ABCG4: variants seen among roughly 807,000 people sequenced by gnomAD.
The protein encoded by ABCG4 is ATP-binding cassette sub-family G member 4.
ABCG4 carries 35 observed loss-of-function variants against 64.6 expected under a neutral mutation model. The observed-to-expected ratio is 0.54, with a 90% confidence interval of 0.41 to 0.72. The LOEUF (loss-of-function observed/expected upper bound fraction) is 0.72, where lower values mean the gene tolerates loss of function less well. ABCG4 is among the 30% of genes least tolerant of loss of function. ABCG4 has a pLI of 0.00. For missense variants in ABCG4, 610 were observed against 846.3 expected (o/e 0.72, Z 3.46); for synonymous variants, 326 against 348.2 (o/e 0.94, Z 0.71).
chr11:119,158,408 T>C lies in ABCG4; in HGVS notation c.1167+76T>C, dbSNP rs866064778. 3.8e-6 allele frequency: 6 copies of C among 1,573,520 alleles called. No homozygotes were observed. In the African/African-American group the frequency reaches 6.8e-5, roughly 18 times the overall value. ...GGCTGTAGGATCCCAGCAGCTGAAA[T>C]GGGAATGGGGACCCTCCCTCACAGC... On this transcript the variant is annotated intron_variant, in intron 10 of 14. Coordinates refer to ENST00000619701, the MANE Select transcript of ABCG4 (RefSeq NM_022169.5). The surrounding 1 kb of genome is among the most constrained non-coding windows in gnomAD (Gnocchi z 4.5).
rs140678022 is a variant in ABCG4, at chr11:119,151,657, G to A, written c.238+1454G>A. On this transcript the variant is annotated intron_variant, in intron 2 of 14. Coordinates refer to ENST00000619701, the MANE Select transcript of ABCG4 (RefSeq NM_022169.5). ...TTTTTAATAATCTCACTTAACATTCGTAATAACCCTGTAAGTCCTTGGGAT... is the reference window on the plus strand; with the variant it reads ...TTTTTAATAATCTCACTTAACATTCATAATAACCCTGTAAGTCCTTGGGAT... Among the ~76,000 whole-genome samples the A allele has an allele frequency of 3.7e-3, 564 of 152,194 alleles. 3 individuals carry two copies. The highest frequency in any genetic ancestry group is 6.8e-3 in the Middle Eastern group (2 of 294).
Position 119,150,421 on chromosome 11 carries a change from T to C in ABCG4, c.238+218T>C, listed in dbSNP as rs182633726. Among the ~76,000 whole-genome samples, 326 of 152,230 alleles carry C rather than the reference T, an allele frequency of 2.1e-3. 4 individuals carry two copies. The highest frequency in any genetic ancestry group is 7.4e-3 in the African/African-American group (308 of 41,532). The stretch of plus-strand genomic sequence containing the variant: ...GAGCACCATGGGATACTAGGTGCAA[T>C]TGGTTATTGAAGCTGTATCTTCTAA... On this transcript the variant is annotated intron_variant, in intron 2 of 14. Transcript: ENST00000619701. This position sits in a 1 kb window ranked among gnomAD's most constrained non-coding sequence, Gnocchi z 4.3.
At chr11:119,153,986 A>T (rs773085778) in intron 2 of ABCG4, 40 bp from the exon 3 acceptor site, 1 of 1,575,108 alleles carries the variant, frequency 6.3e-7, no homozygotes, top group African/African-American at 1.3e-5. Context: ...ACCTCTGTTC[A>T]CTGCAGCCTG....
In ABCG4 at chr11:119,158,430, C is replaced by G; in HGVS notation, c.1167+98C>G. 1 of 1,557,732 alleles carries G rather than the reference C, an allele frequency of 6.4e-7. No individual in the cohort carries two copies. The highest frequency in any genetic ancestry group is 2.2e-5 in the East Asian group (1 of 44,568). On this transcript the variant is annotated intron_variant, in intron 10 of 14. Coordinates refer to ENST00000619701, the MANE Select transcript of ABCG4 (RefSeq NM_022169.5). This position sits in a 1 kb window ranked among gnomAD's most constrained non-coding sequence, Gnocchi z 4.5. ...AAATGGGAATGGGGACCCTCCCTCA[C>G]AGCCCTGCAATGTGCCTGTGGGGTC...
intron 2 of ABCG4, 102 bp from the exon 3 acceptor site, chr11:119,153,924 G>A (rs1339862004): frequency 1.0e-6 from 1 of 966,802 alleles, no homozygotes; most frequent in East Asian, 2.4e-5. Context: ...ACACTGAGTA[G>A]GGGCTACCTA....
chr11:119,160,983 C>T lies in ABCG4; in HGVS notation c.1818C>T (p.Leu606=), dbSNP rs1456113217. The T allele has an allele frequency of 1.2e-6, 2 of 1,613,984 alleles. No homozygotes were observed. The highest frequency in any genetic ancestry group is 8.5e-7 in the Non-Finnish European group (1 of 1,179,990). Residue 606 remains leucine, a synonymous_variant, in exon 15 of 15, where the codon CTC becomes CTT. Coordinates refer to ENST00000619701, the MANE Select transcript of ABCG4 (RefSeq NM_022169.5). This position sits in a 1 kb window ranked among gnomAD's most constrained non-coding sequence, Gnocchi z 4.6. ...RCPFREPQSI[L]RALDVEDAKL... Reference sequence around the variant, plus strand: ...CGTTCCGGGAGCCACAGAGCATCCTCCGAGCGCTGGATGTGGAGGATGCCA... The same window carrying T: ...CGTTCCGGGAGCCACAGAGCATCCTTCGAGCGCTGGATGTGGAGGATGCCA...
Position 119,158,390 on chromosome 11 carries a change from G to A in ABCG4, c.1167+58G>A. The A allele has an allele frequency of 6.3e-7, 1 of 1,587,594 alleles. No individual in the cohort carries two copies. Among genetic ancestry groups the A allele is most frequent in the Non-Finnish European group, 8.6e-7 (1 of 1,156,966 alleles). The stretch of plus-strand genomic sequence containing the variant: ...CACAGGCCTGACCTTTTGGGCTGTA[G>A]GATCCCAGCAGCTGAAATGGGAATG... On this transcript the variant is annotated intron_variant, in intron 10 of 14. Coordinates refer to ENST00000619701, the MANE Select transcript of ABCG4 (RefSeq NM_022169.5). This position sits in a 1 kb window ranked among gnomAD's most constrained non-coding sequence, Gnocchi z 4.5.
At position 119,154,374 on chromosome 11, in the gene ABCG4, G is replaced by A. The variant is rs200650883; in HGVS notation, c.471G>A (p.Thr157=). The A allele has an allele frequency of 1.2e-5, 20 of 1,614,128 alleles. 1 individual carries two copies. The highest frequency in any genetic ancestry group is 3.3e-5 in the Admixed American group (2 of 60,018). ...ATGACATGCTGCTGCCGCACCTCAC[G>A]GTGTTGGAAGCCATGATGGTGAGGG... ...MQDDMLLPHL[T]VLEAMMVSAN... Residue 157 remains threonine, a synonymous_variant, in exon 4 of 15, where the codon ACG becomes ACA. Coordinates refer to ENST00000619701, the MANE Select transcript of ABCG4 (RefSeq NM_022169.5). The surrounding 1 kb of genome is among the most constrained non-coding windows in gnomAD (Gnocchi z 7.0).
In ABCG4 at chr11:119,156,394, G is replaced by C; in HGVS notation, c.752G>C (p.Arg251Pro). 6.2e-7 allele frequency: 1 copy of C among 1,614,118 alleles called. No individual in the cohort carries two copies. The highest frequency in any genetic ancestry group is 8.5e-7 in the Non-Finnish European group (1 of 1,180,026). The change falls in exon 7 of 15, where the codon CGT becomes CCT. Residue 251 changes from arginine (R) to proline (P), a missense_variant. Physicochemically the swap from Arg to Pro is moderately radical, Grantham distance 103 (BLOSUM62 -2). Coordinates refer to ENST00000619701, the MANE Select transcript of ABCG4 (RefSeq NM_022169.5). The surrounding 1 kb of genome is among the most constrained non-coding windows in gnomAD (Gnocchi z 5.5). ...ATGAAGTCCCTGGCACAGGGGGGCC[G>C]TACCATCATCTGCACCATCCACCAG... ...SLMKSLAQGG[R>P]TIICTIHQPS...
chr11:119,161,003 A>T lies in ABCG4; in HGVS notation c.1838A>T (p.Asp613Val), dbSNP rs1290831780. The T allele has an allele frequency of 6.2e-7, 1 of 1,614,030 alleles. No homozygotes were observed. The highest frequency in any genetic ancestry group is 1.7e-5 in the Admixed American group (1 of 59,996). ...QSILRALDVE[D>V]AKLYMDFLVL... ...ATCCTCCGAGCGCTGGATGTGGAGG[A>T]TGCCAAGCTCTACATGGACTTCCTG... The change falls in exon 15 of 15, where the codon GAT becomes GTT. Residue 613 changes from aspartate (D) to valine (V), a missense_variant. Physicochemically the swap from Asp to Val is radical, Grantham distance 152 (BLOSUM62 -3). Coordinates refer to ENST00000619701, the MANE Select transcript of ABCG4 (RefSeq NM_022169.5).
intron 12 of ABCG4, among the ~76,000 whole-genome samples, chr11:119,159,516 A>G (rs573676418): frequency 6.6e-6 from 1 of 152,378 alleles, no homozygotes; most frequent in East Asian, 1.9e-4. Flanking sequence ...GTACCCATCT[A>G]TAAAATGGAA....
intron 9 of ABCG4, among the ~76,000 whole-genome samples, chr11:119,157,758 C>T (rs1355647550): frequency 6.6e-6 from 1 of 151,990 alleles, no homozygotes; most frequent in Non-Finnish European, 1.5e-5. Context: ...CCCAGCTACT[C>T]GGGAGGCTGA....
intron 12 of ABCG4, among the ~76,000 whole-genome samples, chr11:119,159,154 T>G (rs1002709062): frequency 2.6e-5 from 4 of 152,216 alleles, no homozygotes; most frequent in African/African-American, 9.6e-5. Context: ...AACTTATGTT[T>G]TAGTGAGGAC....
rs773823706 is a variant in ABCG4 at position 119,160,897 on chromosome 11, G to T, written c.1732G>T (p.Val578Leu). The T allele has an allele frequency of 6.2e-7, 1 of 1,613,860 alleles. No individual in the cohort carries two copies. The highest frequency in any genetic ancestry group is 1.3e-5 in the African/African-American group (1 of 74,902). ...LSYVRYGFEG[V>L]ILTIYGMERG... ...CCTGCCTAGGTATGGCTTTGAGGGT[G>T]TGATCCTGACGATCTATGGCATGGA... Residue 578 changes from valine to leucine, a missense_variant, in exon 15 of 15, where the codon GTG becomes TTG. Val to Leu is a conservative substitution (Grantham distance 32). Transcript: ENST00000619701. This position sits in a 1 kb window ranked among gnomAD's most constrained non-coding sequence, Gnocchi z 4.6.
In ABCG4 at chr11:119,160,471, G is replaced by T. The variant is rs1948333812; in HGVS notation, c.1597-67G>T. 3.1e-6 allele frequency: 5 copies of T among 1,608,172 alleles called. No homozygotes were observed. In the Admixed American group the frequency reaches 5.0e-5, roughly 16 times the overall value. On this transcript the variant is annotated intron_variant, in intron 13 of 14. Transcript: ENST00000619701. The surrounding 1 kb of genome is among the most constrained non-coding windows in gnomAD (Gnocchi z 4.6). The stretch of plus-strand genomic sequence containing the variant: ...GGCCTGGTGCAAGGGTTAGGGTGGA[G>T]CTCTAGGAAACCTGGGTTTGTCCTG...
At position 119,158,134 on chromosome 11, in the gene ABCG4, C is replaced by T. The variant is rs1440245340; in HGVS notation, c.1069-100C>T. 2 of 957,478 alleles carry T rather than the reference C, an allele frequency of 2.1e-6. No homozygotes were observed. The highest frequency in any genetic ancestry group is 3.1e-6 in the Non-Finnish European group (2 of 635,002). 59.3% of individuals were successfully genotyped at this position (957,478 alleles called of 1,614,324 possible). A position where few individuals can be genotyped will look rare whatever the true frequency, so the allele number is the denominator to read the frequency against. On this transcript the variant is annotated intron_variant, in intron 9 of 14. Transcript: ENST00000619701. This position sits in a 1 kb window ranked among gnomAD's most constrained non-coding sequence, Gnocchi z 4.5. ...TCTCTGTAGACCTGGAGGACCCCTA[C>T]CCTGGGGAAGAGCTCTGAGGTTTTT... is the stretch of plus-strand genomic sequence containing the variant.
intron 9 of ABCG4, among the ~76,000 whole-genome samples, chr11:119,157,782 C>T (rs112021518): frequency 2.6e-5 from 4 of 152,150 alleles, no homozygotes; most frequent in African/African-American, 7.2e-5. Context: ...AGGAGAATGG[C>T]GTGAACCAGG....
chr11:119,149,804 G>A lies in ABCG4; in HGVS notation c.-12-150G>A, dbSNP rs1349343023. On this transcript the variant is annotated intron_variant, in intron 1 of 14. Coordinates refer to ENST00000619701, the MANE Select transcript of ABCG4 (RefSeq NM_022169.5). The surrounding 1 kb of genome is among the most constrained non-coding windows in gnomAD (Gnocchi z 8.3). Reference sequence around the variant, plus strand: ...GACTGAGCGTCTCCGTGCGGAGAGTGGGGGGCGGGGGCAGAGTGCGGGGCT... The same window carrying A: ...GACTGAGCGTCTCCGTGCGGAGAGTAGGGGGCGGGGGCAGAGTGCGGGGCT... 1.0e-5 allele frequency: 13 copies of A among 1,251,880 alleles called. 1 individual carries two copies. The African/African-American group carries it at 1.5e-4, about 15-fold the overall frequency. The allele number at this position is 1,251,880 out of a possible 1,614,324, so 77.5% of individuals were successfully genotyped here. A position where few individuals can be genotyped will look rare whatever the true frequency, so the allele number is the denominator to read the frequency against.
chr11:119,160,103 T>C lies in ABCG4; in HGVS notation c.1438-124T>C. 9.6e-7 allele frequency: 1 copy of C among 1,036,588 alleles called. No individual in the cohort carries two copies. Among genetic ancestry groups the C allele is most frequent in the Non-Finnish European group, 1.4e-6 (1 of 716,072 alleles). 64.2% of individuals were successfully genotyped at this position (1,036,588 alleles called of 1,614,324 possible). A position where few individuals can be genotyped will look rare whatever the true frequency, so the allele number is the denominator to read the frequency against. On this transcript the variant is annotated intron_variant, in intron 12 of 14. Coordinates refer to ENST00000619701, the MANE Select transcript of ABCG4 (RefSeq NM_022169.5). This position sits in a 1 kb window ranked among gnomAD's most constrained non-coding sequence, Gnocchi z 4.6. ...ATCTGGGGGACAGCTTGAACAAGAA[T>C]GTGGAGGCAGGATGGACACCCTGGG...
Sources: allele counts gnomAD v4.1 joint callset (sites outside exome capture counted in the v4.1 genomes callset), GRCh38; gene constraint gnomAD v4.1.1; non-coding constraint Gnocchi (gnomAD v3.1); transcripts MANE v1.5; gene names NCBI Gene and HGNC (gene_info 2026-07-23, HGNC 2026-07-21).